Variants in INTS12 observed in about 807,000 individuals in gnomAD.
INTS12 encodes PHD finger protein 22.
In INTS12, 13 loss-of-function variants were observed where a neutral mutation model predicts 41.6. The ratio of observed to expected loss-of-function variants is 0.31; its 90% CI spans 0.20 to 0.50. The LOEUF (loss-of-function observed/expected upper bound fraction) is 0.50, where lower values mean the gene tolerates loss of function less well. Ranked by LOEUF, INTS12 falls within the 20% of genes least tolerant of loss-of-function variation. The probability of loss-of-function intolerance (pLI) is 0.98; values close to 1 mark genes in which losing one functional copy is unlikely to be tolerated. For synonymous variants in INTS12, 199 were observed against 191.4 expected (o/e 1.04, Z -0.33); for missense variants, 432 against 541.6 (o/e 0.80, Z 2.01).
At position 105,686,594 on chromosome 4, in the gene INTS12, GTA is replaced by G. The variant is rs1193465464; in HGVS notation, c.804+96_804+97del. ...TTAATTTCTAAAATATAGCCATTTA[GTA>G]TATAAAGTTTCTCATTAAATTTTTT... On this transcript the variant is annotated intron_variant, in intron 7 of 7. Transcript: ENST00000340139. 78 of 806,412 alleles carry G rather than the reference GTA, an allele frequency of 9.7e-5. 1 individual carries two copies. The highest frequency in any genetic ancestry group is 3.3e-5 in the Non-Finnish European group (17 of 514,948). 50.0% of individuals were successfully genotyped at this position (806,412 alleles called of 1,614,324 possible).
In INTS12 at chr4:105,693,283, G is replaced by A; in HGVS notation, c.497+16C>T. 1 of 1,555,974 alleles carries A rather than the reference G, an allele frequency of 6.4e-7. No homozygotes were observed. Among genetic ancestry groups the A allele is most frequent in the Non-Finnish European group, 8.8e-7 (1 of 1,140,542 alleles). ...TTATAAAGTAACAAAAGAATCTGTGGCAAGGTACAACTTACCTACAAACAA... is the reference window on the plus strand; with the variant it reads ...TTATAAAGTAACAAAAGAATCTGTGACAAGGTACAACTTACCTACAAACAA... On this transcript the variant is annotated intron_variant, in intron 5 of 7. Transcript: ENST00000340139.
intron 4 of INTS12, among the ~76,000 whole-genome samples, chr4:105,694,578 G>A (rs890748708): frequency 3.9e-5 from 6 of 152,104 alleles, no homozygotes; most frequent in African/African-American, 1.4e-4. Flanking sequence ...TGATCCTCCT[G>A]CCTTGACCTC....
chr4:105,702,929 TTTCC>T (rs1326701948), intron 2 of INTS12: 1 of 985,196 alleles, frequency 1.0e-6, no homozygotes, highest in Non-Finnish European at 1.2e-6. Context: ...CTCTGTTACT[TTTCC>T]TTCCTTACCG....
chr4:105,706,180 A>G (rs1416451279), intron 1 of INTS12: 1 of 150,698 alleles, frequency 6.6e-6, no homozygotes, highest in Non-Finnish European at 1.5e-5. Context: ...CTTCTTGGTA[A>G]TCTTATACAC....
rs535829080 is a variant in INTS12, at chr4:105,682,675, C to A, written c.*58G>T. On this transcript the variant is annotated 3_prime_UTR_variant, in exon 8 of 8. Coordinates refer to ENST00000340139, the MANE Select transcript of INTS12 (RefSeq NM_020395.4). ...AATTACAGTGTATTACAGATTATAT[C>A]ATAATAATAAGCCTTTCATCTTTAG... The A allele has an allele frequency of 1.1e-3, 1,427 of 1,266,008 alleles. 4 individuals are homozygous for A. The highest frequency in any genetic ancestry group is 1.2e-3 in the Non-Finnish European group (1,069 of 885,456). 78.4% of individuals were successfully genotyped at this position (1,266,008 alleles called of 1,614,324 possible). A position where few individuals can be genotyped will look rare whatever the true frequency, so the allele number is the denominator to read the frequency against.
chr4:105,700,051 T>C, intron 2 of INTS12, 37 bp from the exon 3 acceptor site: 1 of 1,349,524 alleles, frequency 7.4e-7, no homozygotes, highest in Non-Finnish European at 9.9e-7. Context: ...TAGAAGACAA[T>C]GCACAATTAT....
intron 1 of INTS12, chr4:105,708,031 TA>T (rs1215364433): frequency 1.0e-6 from 1 of 985,294 alleles, no homozygotes; most frequent in African/African-American, 1.7e-5. Context: ...ATAATGGCTC[TA>T]AAAAACTTTG....
chr4:105,690,380 A>C (rs72671809), intron 6 of INTS12, among the ~76,000 whole-genome samples: 8,180 of 152,312 alleles, frequency 0.054, 250 homozygotes, highest in Middle Eastern at 0.14. Flanking sequence ...AAGGAGATTT[A>C]TTAAGTGGCT....
At chr4:105,704,691 TA>T (rs1314644820) in intron 1 of INTS12, among the ~76,000 whole-genome samples, 4 of 152,226 alleles carry the variant, frequency 2.6e-5, no homozygotes, top group Non-Finnish European at 1.5e-5. Context: ...GAGCCACTCA[TA>T]CACTATTCCC....
At chr4:105,698,804 T>C (rs1333829036) in intron 3 of INTS12, among the ~76,000 whole-genome samples, 1 of 152,206 alleles carries the variant, frequency 6.6e-6, no homozygotes, top group Non-Finnish European at 1.5e-5. Context: ...CAGTGTTTAC[T>C]TGGGCTCTGA....
intron 6 of INTS12, among the ~76,000 whole-genome samples, chr4:105,689,593 T>A (rs980557830): frequency 5.9e-5 from 9 of 152,184 alleles, no homozygotes; most frequent in African/African-American, 2.2e-4. Context: ...CCAGATTCAC[T>A]GTTGATTTCT....
At chr4:105,689,689 G>A (rs1162371791) in intron 6 of INTS12, among the ~76,000 whole-genome samples, 1 of 152,038 alleles carries the variant, frequency 6.6e-6, no homozygotes, top group Non-Finnish European at 1.5e-5. Context: ...GATCACTTGA[G>A]GTCAGGAGTT....
At chr4:105,701,112 G>C (rs1038907823) in intron 2 of INTS12, among the ~76,000 whole-genome samples, 7 of 151,884 alleles carry the variant, frequency 4.6e-5, no homozygotes, top group South Asian at 2.1e-4. Flanking sequence ...AAAACTTGCT[G>C]TAGGTTGAAT....
chr4:105,685,607 A>C (rs536298443), intron 7 of INTS12, among the ~76,000 whole-genome samples: 1 of 152,274 alleles, frequency 6.6e-6, no homozygotes, highest in East Asian at 1.9e-4. Context: ...AGTCACTTAG[A>C]TAAGGCAATA....
intron 7 of INTS12, 94 bp downstream of exon 7, chr4:105,686,594 GTATA>G (rs1193465464): frequency 2.5e-6 from 2 of 806,294 alleles, no homozygotes; most frequent in Non-Finnish European, 3.9e-6. Context: ...TAGCCATTTA[GTATA>G]TAAAGTTTCT....
rs572647515 is a variant in INTS12 at position 105,682,895 on chromosome 4, T to C, written c.1227A>G (p.Thr409=). Residue 409 remains threonine (T), a synonymous_variant, in exon 8 of 8, where the codon ACA becomes ACG. Transcript: ENST00000340139. ...SQLSGNGNSG[T]SGPSGSTTSK... Reference sequence around the variant, plus strand: ...TGGTAGTACTTCCACTAGGTCCTGATGTTCCACTATTTCCATTCCCACTTA... The same window carrying C: ...TGGTAGTACTTCCACTAGGTCCTGACGTTCCACTATTTCCATTCCCACTTA... 1 of 1,614,136 alleles carries C rather than the reference T, an allele frequency of 6.2e-7. No homozygotes were observed. The highest frequency in any genetic ancestry group is 1.7e-5 in the Admixed American group (1 of 60,024).
chr4:105,696,579 T>C (rs558846782), intron 3 of INTS12, among the ~76,000 whole-genome samples: 5 of 152,350 alleles, frequency 3.3e-5, no homozygotes, highest in Non-Finnish European at 4.4e-5. Flanking sequence ...ATTGAATGAA[T>C]AGACTACAAT....
rs751836037 is a variant in INTS12, at chr4:105,683,258, A to G, written c.864T>C (p.Ser288=). ...SSASVSSSVT[S]GLTGWAAFAA... ...CAAAAGCTGCCCATCCAGTTAAGCC[A>G]CTAGTTACTGACGAGGAAACGCTGG... is the stretch of plus-strand genomic sequence containing the variant. Residue 288 remains serine, a synonymous_variant, in exon 8 of 8, where the codon AGT becomes AGC. Transcript: ENST00000340139. 11 of 1,613,902 alleles carry G rather than the reference A, an allele frequency of 6.8e-6. No individual in the cohort carries two copies. Among genetic ancestry groups the G allele is most frequent in the Non-Finnish European group, 1.7e-6 (2 of 1,179,958 alleles).
chr4:105,699,762 G>A (rs944876536), intron 3 of INTS12, 88 bp downstream of exon 3: 2 of 892,510 alleles, frequency 2.2e-6, no homozygotes, highest in Non-Finnish European at 3.1e-6. Flanking sequence ...TATTTCGGCA[G>A]AGATTGTTTT....
Sources: gnomAD v4.1 joint callset for allele counts (sites outside exome capture counted in the v4.1 genomes callset) on GRCh38, gnomAD v4.1.1 for gene constraint, MANE v1.5 for transcripts, NCBI Gene and HGNC (gene_info 2026-07-23, HGNC 2026-07-21) for gene names.